Variants in ITGB4 observed in about 807,000 individuals in gnomAD.
ITGB4 encodes integrin subunit beta 4, also known as integrin beta-4.
Under a neutral mutation model 207.6 loss-of-function variants are expected in ITGB4, and 159 were observed. The observed-to-expected ratio is 0.77, with a 90% CI of 0.67 to 0.87. ITGB4 has a LOEUF of 0.87. ITGB4 is among the 40% of genes least tolerant of loss of function. The pLI is 0.00. For missense variants in ITGB4, 2,278 were observed against 2,546.8 expected, an observed-to-expected ratio of 0.89 and a Z score of 2.27; for synonymous variants, 1,020 against 1,062.7, an observed-to-expected ratio of 0.96 and a Z score of 0.78.
chr17:75,755,611 C>A, intron 34 of ITGB4, 90 bp from the exon 35 acceptor site: 1 of 1,540,866 alleles, frequency 6.5e-7, no homozygotes, highest in Non-Finnish European at 8.9e-7. Flanking sequence ...GACATGCCAG[C>A]TGAGGGAGGG....
Position 75,732,384 on chromosome 17 carries a change from C to T in ITGB4, c.1454+145C>T. 5.2e-6 allele frequency: 4 copies of T among 769,576 alleles called. No individual in the cohort carries two copies. The highest frequency in any genetic ancestry group is 4.0e-5 in the Admixed American group (2 of 49,772). 47.7% of individuals were successfully genotyped at this position (769,576 alleles called of 1,614,324 possible). Reference sequence around the variant, plus strand: ...ATCAAAGAAACGGCTAAGGGCGGGGCACACCCAGTTGTTGGTCAAACCCAG... The same window carrying T: ...ATCAAAGAAACGGCTAAGGGCGGGGTACACCCAGTTGTTGGTCAAACCCAG... On this transcript the variant is annotated intron_variant, in intron 12 of 39. Coordinates refer to ENST00000200181, the MANE Select transcript of ITGB4 (RefSeq NM_000213.5). This position sits in a 1 kb window ranked among gnomAD's most constrained non-coding sequence, Gnocchi z 5.3.
At chr17:75,737,774 G>A (rs1177422139) in intron 18 of ITGB4, 130 bp downstream of exon 18, 3 of 783,952 alleles carry the variant, frequency 3.8e-6, no homozygotes, top group Non-Finnish European at 2.1e-6. Context: ...ACCCCTTCCT[G>A]GGTCCCCACC....
intron 15 of ITGB4, 79 bp from the exon 16 acceptor site, chr17:75,736,486 G>A (rs2060978310): frequency 6.2e-7 from 1 of 1,606,404 alleles, no homozygotes; most frequent in Non-Finnish European, 8.5e-7. Context: ...GCTGGCCAAG[G>A]GCAAGAGGTT....
intron 26 of ITGB4, among the ~76,000 whole-genome samples, chr17:75,748,534 G>A (rs1261199939): frequency 6.6e-6 from 1 of 151,974 alleles, no homozygotes; most frequent in East Asian, 1.9e-4. Flanking sequence ...GCTAGGCGTG[G>A]TGGCAGGTGC....
At chr17:75,746,952 C>G (rs971181047) in intron 26 of ITGB4, among the ~76,000 whole-genome samples, 266 of 137,396 alleles carry the variant, frequency 1.9e-3, no homozygotes, top group African/African-American at 6.6e-3. Context: ...AAAAAAAAAG[C>G]TTTGATATTT....
At chr17:75,741,066 G>A (rs2061098958) in intron 23 of ITGB4, 61 bp downstream of exon 23, 2 of 1,581,410 alleles carry the variant, frequency 1.3e-6, no homozygotes, top group East Asian at 4.5e-5. Flanking sequence ...CCCCAGCCCA[G>A]CCACTGCCTC....
rs62088214 is a variant in ITGB4, at chr17:75,755,197, G to A, written c.4558+382G>A. The A allele has an allele frequency of 0.013, 21,121 of 1,604,600 alleles. 734 individuals are homozygous for A. Among genetic ancestry groups the A allele is most frequent in the Admixed American group, 0.11 (6,455 of 59,862 alleles). On this transcript the variant is annotated intron_variant, in intron 34 of 39. Coordinates refer to ENST00000200181, the MANE Select transcript of ITGB4 (RefSeq NM_000213.5). ...TAATCCTGGCTGGGAGGCCAGCAGCGCCCTCCTGGGGCCCAGGTAGTACAG... is the reference window on the plus strand; with the variant it reads ...TAATCCTGGCTGGGAGGCCAGCAGCACCCTCCTGGGGCCCAGGTAGTACAG...
intron 12 of ITGB4, among the ~76,000 whole-genome samples, chr17:75,733,072 C>T (rs563828151): frequency 1.5e-5 from 2 of 131,558 alleles, no homozygotes; most frequent in Non-Finnish European, 3.2e-5. Context: ...GCAAGAAGAG[C>T]GAAACTCTGT....
intron 18 of ITGB4, among the ~76,000 whole-genome samples, 184 bp downstream of exon 18, chr17:75,737,828 G>A (rs947466048): frequency 2.8e-5 from 4 of 145,088 alleles, no homozygotes; most frequent in South Asian, 4.5e-4. Context: ...CCTCCACCAC[G>A]GTCCCCACCT....
At chr17:75,751,263 T>G (rs2061361067) in intron 30 of ITGB4, 152 bp downstream of exon 30, 1 of 977,486 alleles carries the variant, frequency 1.0e-6, no homozygotes, top group Non-Finnish European at 1.5e-6. Context: ...CTGAGGCATC[T>G]TTAGGGTTTT....
rs781696471 is a variant in ITGB4, at chr17:75,736,281, A to G, written c.1762-7A>G. 1.9e-6 allele frequency: 3 copies of G among 1,613,330 alleles called. No individual in the cohort carries two copies. The highest frequency in any genetic ancestry group is 2.5e-6 in the Non-Finnish European group (3 of 1,179,516). On this transcript the variant is annotated splice_polypyrimidine_tract_variant and splice_region_variant and intron_variant, in intron 14 of 39. Transcript: ENST00000200181. ...AGCTGGCTCACTGGTGCCCCCTCCTACCCCAGGGCATCTGTAATGGACGTG... is the reference window on the plus strand; with the variant it reads ...AGCTGGCTCACTGGTGCCCCCTCCTGCCCCAGGGCATCTGTAATGGACGTG...
intron 30 of ITGB4, 180 bp from the exon 31 acceptor site, chr17:75,751,994 C>T (rs955024849): frequency 6.6e-6 from 5 of 756,922 alleles, no homozygotes; most frequent in Admixed American, 3.5e-5. Context: ...CATATGTCCA[C>T]GCCAGTCATG....
intron 2 of ITGB4, among the ~76,000 whole-genome samples, chr17:75,726,656 T>C (rs2060722419): frequency 6.7e-6 from 1 of 149,646 alleles, no homozygotes; most frequent in Non-Finnish European, 1.5e-5. Flanking sequence ...CACTTGAACC[T>C]GGGAGGCGGA....
intron 26 of ITGB4, among the ~76,000 whole-genome samples, chr17:75,746,716 G>T (rs1412702574): frequency 6.6e-6 from 1 of 151,480 alleles, no homozygotes; most frequent in Non-Finnish European, 1.5e-5. Flanking sequence ...AGGGCGGGCA[G>T]ATCGCTTGAG....
At chr17:75,756,153 A>G (rs1438644601) in intron 35 of ITGB4, among the ~76,000 whole-genome samples, 1 of 152,178 alleles carries the variant, frequency 6.6e-6, no homozygotes, top group Non-Finnish European at 1.5e-5. Context: ...CTTTGGGGGA[A>G]CAAGGAAGTG....
At position 75,731,332 on chromosome 17, in the gene ITGB4, G is replaced by T. The variant is rs772335175; in HGVS notation, c.1179G>T (p.Thr393=). 1.2e-6 allele frequency: 2 copies of T among 1,613,380 alleles called. No homozygotes were observed. The highest frequency in any genetic ancestry group is 8.5e-7 in the Non-Finnish European group (1 of 1,179,974). The change falls in exon 10 of 40, where the codon ACG becomes ACT. Residue 393 remains threonine (T), a synonymous_variant. Coordinates refer to ENST00000200181, the MANE Select transcript of ITGB4 (RefSeq NM_000213.5). This position sits in a 1 kb window ranked among gnomAD's most constrained non-coding sequence, Gnocchi z 6.8. The stretch of plus-strand genomic sequence containing the variant: ...TCACCTCCAAGATGTTCCAGAAGAC[G>T]AGGACTGGGTCCTTTCACATCCGGC... The part of the protein sequence containing the change: ...TEVTSKMFQK[T]RTGSFHIRRG...
At chr17:75,726,694 T>A (rs1686958290) in intron 2 of ITGB4, among the ~76,000 whole-genome samples, 1 of 152,170 alleles carries the variant, frequency 6.6e-6, no homozygotes, top group Non-Finnish European at 1.5e-5. Flanking sequence ...ATCGCACCAC[T>A]GCACTCCAGC....
rs754515653 is a variant in ITGB4 at position 75,740,085 on chromosome 17, T to C, written c.2446+14T>C. The C allele has an allele frequency of 6.2e-7, 1 of 1,606,804 alleles. No individual in the cohort carries two copies. Among genetic ancestry groups the C allele is most frequent in the South Asian group, 1.1e-5 (1 of 90,484 alleles). Reference sequence around the variant, plus strand: ...CCACAGAGCTGGGTGAGGGCGGGGCTGGGCGCCACAGCTCTGGGCAGTGCC... The same window carrying C: ...CCACAGAGCTGGGTGAGGGCGGGGCCGGGCGCCACAGCTCTGGGCAGTGCC... On this transcript the variant is annotated intron_variant, in intron 20 of 39. Transcript: ENST00000200181. This position sits in a 1 kb window ranked among gnomAD's most constrained non-coding sequence, Gnocchi z 5.9.
chr17:75,747,955 T>C (rs2061268851), intron 26 of ITGB4, among the ~76,000 whole-genome samples: 1 of 152,204 alleles, frequency 6.6e-6, no homozygotes, highest in Non-Finnish European at 1.5e-5. Flanking sequence ...GCCATCGCCC[T>C]GGCTGCTGCG....
Sources: allele counts gnomAD v4.1 joint callset (sites outside exome capture counted in the v4.1 genomes callset), GRCh38; gene constraint gnomAD v4.1.1; non-coding constraint Gnocchi (gnomAD v3.1); transcripts MANE v1.5; gene names NCBI Gene and HGNC (gene_info 2026-07-23, HGNC 2026-07-21).